Variants in C12orf42 observed in about 807,000 individuals in gnomAD.
C12orf42 encodes chromosome 12 open reading frame 42, also known as uncharacterized protein C12orf42.
A neutral mutation model predicts 21.6 loss-of-function variants in C12orf42; 25 were observed. That is an observed-to-expected ratio of 1.16 (90% CI 0.84 to 1.62). The LOEUF is 1.62. C12orf42 is among the 40% of genes most tolerant of loss of function. The pLI is 0.00. For synonymous variants in C12orf42, 174 were observed against 175.0 expected (o/e 0.99, Z 0.05); for missense variants, 483 against 459.3 (o/e 1.05, Z -0.47).
chr12:103,477,738 C>G (rs751947025), intron 2 of C12orf42, among the ~76,000 whole-genome samples: 1 of 152,120 alleles, frequency 6.6e-6, no homozygotes, highest in Non-Finnish European at 1.5e-5. Flanking sequence ...AGAATCTCCT[C>G]TAAAGTCTAT....
the C12orf42 span, among the ~76,000 whole-genome samples, chr12:103,208,208 G>A: frequency 6.6e-6 from 1 of 152,166 alleles, no homozygotes; most frequent in East Asian, 1.9e-4. Flanking sequence ...CAAAAGGTGC[G>A]CTGGGGTGAC....
At chr12:103,247,283 T>C (rs991364566) in intron 10 of C12orf42, among the ~76,000 whole-genome samples, 2 of 151,406 alleles carry the variant, frequency 1.3e-5, no homozygotes, top group Non-Finnish European at 3.0e-5. Context: ...CAAAGTTCTT[T>C]GCAGTTTCTC....
the C12orf42 span, among the ~76,000 whole-genome samples, chr12:103,114,545 G>A: frequency 3.5e-4 from 54 of 152,366 alleles, no homozygotes; most frequent in South Asian, 0.011. Context: ...AAACACCAGA[G>A]TGTGGGAACT....
At chr12:103,346,425 T>TA (rs897333312) in intron 4 of C12orf42, among the ~76,000 whole-genome samples, 4 of 152,182 alleles carry the variant, frequency 2.6e-5, no homozygotes, top group African/African-American at 4.8e-5. Flanking sequence ...AAGCTATGGG[T>TA]AAAAAATGTG....
the C12orf42 span, among the ~76,000 whole-genome samples, chr12:103,091,383 AAAT>A: frequency 7.2e-6 from 1 of 138,848 alleles, no homozygotes; most frequent in African/African-American, 2.9e-5. Context: ...CTCTTGCCTC[AAAT>A]AAAAAAAAAA....
intron 2 of C12orf42, among the ~76,000 whole-genome samples, chr12:103,421,662 C>G (rs898344848): frequency 2.6e-5 from 4 of 151,658 alleles, no homozygotes; most frequent in African/African-American, 9.7e-5. Flanking sequence ...AAATAAAACT[C>G]AAAAAAAGAA....
At chr12:103,118,844 T>C in the C12orf42 span, among the ~76,000 whole-genome samples, 6 of 150,634 alleles carry the variant, frequency 4.0e-5, no homozygotes, top group Non-Finnish European at 5.9e-5. Flanking sequence ...CTTAGATTTA[T>C]GAATTTATGG....
intron 4 of C12orf42, among the ~76,000 whole-genome samples, chr12:103,289,240 A>AT (rs1393255885): frequency 1.6e-5 from 2 of 128,212 alleles, no homozygotes; most frequent in Non-Finnish European, 3.5e-5. Flanking sequence ...TGTAGATCTA[A>AT]TTCATCATGA....
intron 2 of C12orf42, among the ~76,000 whole-genome samples, chr12:103,408,010 A>G (rs1416000098): frequency 6.6e-6 from 1 of 152,142 alleles, no homozygotes; most frequent in Non-Finnish European, 1.5e-5. Context: ...CATAGTAACA[A>G]TGGCACCCCC....
chr12:103,111,439 C>T, the C12orf42 span, among the ~76,000 whole-genome samples: 113 of 152,252 alleles, frequency 7.4e-4, no homozygotes, highest in Admixed American at 6.7e-3. Context: ...CATCATTTAC[C>T]ATTCATTCGG....
At chr12:103,337,358 G>GTTTT (rs1240122695) in intron 4 of C12orf42, among the ~76,000 whole-genome samples, 4 of 152,042 alleles carry the variant, frequency 2.6e-5, no homozygotes, top group Admixed American at 6.6e-5. Flanking sequence ...TTGTTTGTTT[G>GTTTT]TTTGTTTGTT....
the C12orf42 span, among the ~76,000 whole-genome samples, chr12:103,108,314 G>A: frequency 2.6e-5 from 4 of 151,746 alleles, no homozygotes; most frequent in Non-Finnish European, 5.9e-5. Context: ...ATCACTTAAG[G>A]AGGCCAATTA....
At chr12:103,531,472 G>A in the C12orf42 span, among the ~76,000 whole-genome samples, 1 of 152,096 alleles carries the variant, frequency 6.6e-6, no homozygotes, top group Non-Finnish European at 1.5e-5. Flanking sequence ...TGTTTCCCTT[G>A]AATACAGTTT....
intron 2 of C12orf42, among the ~76,000 whole-genome samples, chr12:103,426,607 G>C (rs1383274801): frequency 6.6e-6 from 1 of 152,120 alleles, no homozygotes; most frequent in Non-Finnish European, 1.5e-5. Context: ...AGGAAATACA[G>C]AGAACACCAC....
chr12:103,302,030 C>A lies in C12orf42; in HGVS notation c.*78G>T. 3 of 1,438,866 alleles carry A rather than the reference C, an allele frequency of 2.1e-6. No individual in the cohort carries two copies. In the South Asian group the frequency reaches 4.0e-5, roughly 19 times the overall value. 89.1% of individuals were successfully genotyped at this position (1,438,866 alleles called of 1,614,324 possible). A position where few individuals can be genotyped will look rare whatever the true frequency, so the allele number is the denominator to read the frequency against. On this transcript the variant is annotated 3_prime_UTR_variant, in exon 6 of 6. Coordinates refer to ENST00000548883, the MANE Select transcript of C12orf42 (RefSeq NM_198521.5). The stretch of plus-strand genomic sequence containing the variant: ...AATGGTTCTGTGGAAACCAGTACAT[C>A]TGAGGCCCTTTCTGTTGTTCTGAGC...
chr12:103,418,771 G>GAA (rs150840705), intron 2 of C12orf42, among the ~76,000 whole-genome samples: 1 of 150,324 alleles, frequency 6.7e-6, no homozygotes, highest in South Asian at 2.1e-4. Context: ...CAGATAGGCA[G>GAA]AAAAAAATGC....
At chr12:103,550,124 AAG>A in the C12orf42 span, among the ~76,000 whole-genome samples, 1 of 152,156 alleles carries the variant, frequency 6.6e-6, no homozygotes, top group African/African-American at 2.4e-5. Flanking sequence ...AAATATAAAA[AAG>A]AACTTTCAAA....
At chr12:103,059,982 G>A in the C12orf42 span, among the ~76,000 whole-genome samples, 1 of 152,144 alleles carries the variant, frequency 6.6e-6, no homozygotes, top group African/African-American at 2.4e-5. Flanking sequence ...TCTGGCCAGG[G>A]CAATCAAGCA....
chr12:103,278,199 G>T (rs549333572), intron 4 of C12orf42, among the ~76,000 whole-genome samples: 1 of 152,038 alleles, frequency 6.6e-6, no homozygotes, highest in African/African-American at 2.4e-5. Flanking sequence ...AGCAACAATG[G>T]GGGGGCTATG....
Sources: gnomAD v4.1 joint callset for allele counts (sites outside exome capture counted in the v4.1 genomes callset) on GRCh38, gnomAD v4.1.1 for gene constraint, MANE v1.5 for transcripts, NCBI Gene and HGNC (gene_info 2026-07-23, HGNC 2026-07-21) for gene names.